The following SLC35D4 variants were observed in gnomAD, a reference collection of about 807,000 sequenced individuals.
The protein encoded by SLC35D4 is UDP-N-acetylglucosamine transporter SLC35D4.
chr18:23,384,119 TC>T, the SLC35D4 span, among the ~76,000 whole-genome samples: 2 of 150,840 alleles, frequency 1.3e-5, no homozygotes, highest in Non-Finnish European at 2.9e-5. Flanking sequence ...CAAGACCCTA[TC>T]TCTATAAATA....
the SLC35D4 span, chr18:23,297,006 G>A: frequency 4.1e-5 from 6 of 145,818 alleles, no homozygotes; most frequent in South Asian, 4.2e-4. Context: ...GTACGCAGGT[G>A]GCGGTGGGCC....
At chr18:23,324,476 A>G in the SLC35D4 span, among the ~76,000 whole-genome samples, 1 of 152,228 alleles carries the variant, frequency 6.6e-6, no homozygotes, top group African/African-American at 2.4e-5. Context: ...GTGAAAAAGG[A>G]AAAGGGCTTT....
At chr18:23,429,388 C>T in the SLC35D4 span, among the ~76,000 whole-genome samples, 7 of 152,050 alleles carry the variant, frequency 4.6e-5, no homozygotes, top group Admixed American at 2.0e-4. Context: ...CGGATTTTCA[C>T]TCTTGTTACC....
the SLC35D4 span, among the ~76,000 whole-genome samples, chr18:23,312,656 A>T: frequency 1.3e-5 from 2 of 152,146 alleles, no homozygotes; most frequent in Non-Finnish European, 2.9e-5. Flanking sequence ...TTCTCTCCCC[A>T]GCACGTGGTT....
the SLC35D4 span, among the ~76,000 whole-genome samples, chr18:23,428,757 G>A: frequency 6.6e-6 from 1 of 151,804 alleles, no homozygotes; most frequent in Non-Finnish European, 1.5e-5. Flanking sequence ...CGTGATGCTG[G>A]TTTGGGCCTC....
the SLC35D4 span, chr18:23,309,824 A>T: frequency 7.3e-7 from 1 of 1,374,106 alleles, no homozygotes; most frequent in Non-Finnish European, 1.0e-6. Flanking sequence ...TCACAAGCTT[A>T]GCTCACTTGA....
the SLC35D4 span, among the ~76,000 whole-genome samples, chr18:23,428,509 C>G: frequency 6.6e-6 from 1 of 152,012 alleles, no homozygotes; most frequent in Non-Finnish European, 1.5e-5. Context: ...TGCACTTTAA[C>G]CCAAATTTAT....
chr18:23,309,796 C>T, the SLC35D4 span: 33 of 1,546,470 alleles, frequency 2.1e-5, no homozygotes, highest in Non-Finnish European at 2.9e-5. Context: ...GCTCTGGAAA[C>T]CTCCAATGTC....
At chr18:23,361,103 CA>C in the SLC35D4 span, among the ~76,000 whole-genome samples, 907 of 94,048 alleles carry the variant, frequency 9.6e-3, 3 homozygotes, top group African/African-American at 0.034. Context: ...GACTTTGTCT[CA>C]AAAAAAAAAA....
At chr18:23,257,328 A>G in the SLC35D4 span, 2 of 1,613,680 alleles carry the variant, frequency 1.2e-6, no homozygotes, top group African/African-American at 1.3e-5. Context: ...CCGAGCACGA[A>G]GTCATGCCCC....
the SLC35D4 span, chr18:23,370,119 C>T: frequency 9.3e-5 from 95 of 1,023,892 alleles, 1 homozygote; most frequent in African/African-American, 3.0e-4. Context: ...GTGGAGGGTG[C>T]GGTGAGCTGA....
chr18:23,271,805 A>G, the SLC35D4 span, among the ~76,000 whole-genome samples: 2 of 152,122 alleles, frequency 1.3e-5, no homozygotes, highest in Non-Finnish European at 2.9e-5. Context: ...ATGCCTACAT[A>G]ATGACGTTTC....
chr18:23,343,493 C>A, the SLC35D4 span, among the ~76,000 whole-genome samples: 2 of 152,040 alleles, frequency 1.3e-5, no homozygotes, highest in Admixed American at 6.5e-5. Context: ...CGCTCACCTC[C>A]GCCTCTCAAA....
At chr18:23,346,554 C>G in the SLC35D4 span, among the ~76,000 whole-genome samples, 1 of 151,604 alleles carries the variant, frequency 6.6e-6, no homozygotes, top group African/African-American at 2.4e-5. Context: ...TATTGCATTC[C>G]TAAAAACTCC....
chr18:23,409,066 C>T, the SLC35D4 span, among the ~76,000 whole-genome samples: 3 of 151,454 alleles, frequency 2.0e-5, no homozygotes, highest in African/African-American at 7.3e-5. Context: ...ACCCAGGAGG[C>T]GGAGGTTGCA....
the SLC35D4 span, among the ~76,000 whole-genome samples, chr18:23,378,685 T>C: frequency 6.6e-6 from 1 of 152,172 alleles, no homozygotes; most frequent in Non-Finnish European, 1.5e-5. Flanking sequence ...TCTTCTATAT[T>C]TGATAGAGGA....
At chr18:23,371,146 G>C in the SLC35D4 span, among the ~76,000 whole-genome samples, 2 of 150,180 alleles carry the variant, frequency 1.3e-5, no homozygotes, top group African/African-American at 2.4e-5. Flanking sequence ...CCAGGCTGGA[G>C]TGCGGTGGTG....
chr18:23,305,783 G>A, the SLC35D4 span, among the ~76,000 whole-genome samples: 3 of 152,186 alleles, frequency 2.0e-5, no homozygotes, highest in Non-Finnish European at 4.4e-5. Flanking sequence ...ATTCATTTCT[G>A]TCCATCTAGG....
chr18:23,428,684 A>T, the SLC35D4 span, among the ~76,000 whole-genome samples: 1 of 145,782 alleles, frequency 6.9e-6, no homozygotes, highest in Non-Finnish European at 1.5e-5. Flanking sequence ...TGCCTAGCTA[A>T]TTTTTTTTTT....
Sources: gnomAD v4.1 joint callset for allele counts (sites outside exome capture counted in the v4.1 genomes callset) on GRCh38, gnomAD v4.1.1 for gene constraint, MANE v1.5 for transcripts, NCBI Gene and HGNC (gene_info 2026-07-23, HGNC 2026-07-21) for gene names.